The following TMEM45B variants were observed in gnomAD, a reference collection of about 807,000 sequenced individuals.
The protein encoded by TMEM45B is transmembrane protein 45B.
TMEM45B carries 29 observed loss-of-function variants against 27.3 expected under a neutral mutation model. The ratio of observed to expected loss-of-function variants is 1.06; its 90% CI spans 0.79 to 1.45. TMEM45B has a LOEUF of 1.45. Among genes scored for constraint, TMEM45B ranks in the 40% most tolerant of loss-of-function variants. The pLI is 0.00. For synonymous variants in TMEM45B, 143 were observed against 134.7 expected (o/e 1.06, Z -0.43); for missense variants, 348 against 343.9 (o/e 1.01, Z -0.09).
intron 1 of TMEM45B, among the ~76,000 whole-genome samples, chr11:129,847,098 G>C (rs556786859): frequency 6.6e-6 from 1 of 152,308 alleles, no homozygotes; most frequent in East Asian, 1.9e-4. Context: ...GTGGGGAAGA[G>C]GGAGAGGCTG....
chr11:129,822,399 G>A (rs566466148), intron 1 of TMEM45B, among the ~76,000 whole-genome samples: 3 of 152,276 alleles, frequency 2.0e-5, no homozygotes, highest in Admixed American at 6.5e-5. Flanking sequence ...GATGGTGTGC[G>A]TCATCTGTGA....
At chr11:129,837,216 G>A (rs888160336) in intron 1 of TMEM45B, among the ~76,000 whole-genome samples, 1 of 152,048 alleles carries the variant, frequency 6.6e-6, no homozygotes, top group African/African-American at 2.4e-5. Flanking sequence ...AGACCAGCCC[G>A]GGCTGGTCTC....
Position 129,854,636 on chromosome 11 carries a change from G to A in TMEM45B, c.205G>A (p.Asp69Asn), listed in dbSNP as rs1186715954. The A allele has an allele frequency of 1.2e-6, 2 of 1,614,172 alleles. No homozygotes were observed. The highest frequency in any genetic ancestry group is 2.2e-5 in the South Asian group (2 of 91,084). Residue 69 changes from aspartate to asparagine, a missense_variant, in exon 3 of 6, where the codon GAT becomes AAT. By Grantham distance (23) the Asp-to-Asn change is conservative. Coordinates refer to ENST00000281441, the MANE Select transcript of TMEM45B (RefSeq NM_138788.5). ...TGILAEQFVPDGPHLHLYHEN... is the reference protein window; with the variant it reads ...TGILAEQFVPNGPHLHLYHEN... ...GATCCTGGCAGAGCAGTTTGTTCCG[G>A]ATGGGCCCCACCTGCACCTCTACCA...
chr11:129,820,772 C>A (rs1028781109), intron 1 of TMEM45B, among the ~76,000 whole-genome samples: 6 of 152,170 alleles, frequency 3.9e-5, no homozygotes, highest in Non-Finnish European at 7.3e-5. Flanking sequence ...CAACATAAAT[C>A]AATGTATAGT....
chr11:129,825,552 T>C (rs1395333874), intron 1 of TMEM45B, among the ~76,000 whole-genome samples: 1 of 152,180 alleles, frequency 6.6e-6, no homozygotes, highest in South Asian at 2.1e-4. Flanking sequence ...GATGAAGTTG[T>C]GGGAGTCACC....
In TMEM45B at chr11:129,858,695, C is replaced by T. The variant is rs1448208123; in HGVS notation, c.*10C>T. The stretch of plus-strand genomic sequence containing the variant: ...CTCAGATGAGGAATGAGCCGAGATG[C>T]GGAGGGCGCAGATGTCCCACTGCAC... On this transcript the variant is annotated 3_prime_UTR_variant, in exon 6 of 6. Coordinates refer to ENST00000281441, the MANE Select transcript of TMEM45B (RefSeq NM_138788.5). 51 of 1,543,232 alleles carry T rather than the reference C, an allele frequency of 3.3e-5. No individual in the cohort carries two copies. Among genetic ancestry groups the T allele is most frequent in the East Asian group, 2.4e-4 (10 of 41,408 alleles).
Position 129,855,737 on chromosome 11 carries a change from C to G in TMEM45B, c.415C>G (p.Arg139Gly), listed in dbSNP as rs756598307. ...CCTCTTCTACTACCACGTCCACAACCGGCCTCCGCTGGACCAGCACATCCA... is the reference window on the plus strand; with the variant it reads ...CCTCTTCTACTACCACGTCCACAACGGGCCTCCGCTGGACCAGCACATCCA... ...GFLFYYHVHN[R>G]PPLDQHIHSL... Residue 139 changes from arginine (R) to glycine (G), a missense_variant, in exon 4 of 6, where the codon CGG (arginine) becomes GGG (glycine). Arg to Gly is a moderately radical substitution (Grantham distance 125). Coordinates refer to ENST00000281441, the MANE Select transcript of TMEM45B (RefSeq NM_138788.5). The G allele has an allele frequency of 1.2e-6, 2 of 1,614,156 alleles. No individual in the cohort carries two copies. Among genetic ancestry groups the G allele is most frequent in the East Asian group, 4.5e-5 (2 of 44,872 alleles).
intron 1 of TMEM45B, among the ~76,000 whole-genome samples, chr11:129,822,380 A>G (rs560750347): frequency 1.3e-5 from 2 of 152,216 alleles, no homozygotes; most frequent in South Asian, 4.1e-4. Flanking sequence ...AGCTTTATAC[A>G]TGTTTGGGGA....
At chr11:129,848,212 G>T (rs1591448093) in intron 1 of TMEM45B, among the ~76,000 whole-genome samples, 1 of 152,162 alleles carries the variant, frequency 6.6e-6, no homozygotes, top group East Asian at 1.9e-4. Context: ...CTGCACTCCG[G>T]CCTGGGCACC....
At chr11:129,838,072 G>T (rs11601888) in intron 1 of TMEM45B, among the ~76,000 whole-genome samples, 4 of 152,004 alleles carry the variant, frequency 2.6e-5, no homozygotes, top group African/African-American at 9.7e-5. Flanking sequence ...GTGAGCCACC[G>T]CGTGCAGCCC....
At chr11:129,827,925 G>A (rs1285583965) in intron 1 of TMEM45B, among the ~76,000 whole-genome samples, 1 of 152,106 alleles carries the variant, frequency 6.6e-6, no homozygotes, top group Admixed American at 6.5e-5. Context: ...AGTTGAGATC[G>A]TGCCACCGCC....
At chr11:129,825,434 C>A (rs1297283042) in intron 1 of TMEM45B, among the ~76,000 whole-genome samples, 1 of 151,830 alleles carries the variant, frequency 6.6e-6, no homozygotes, top group Admixed American at 6.6e-5. Context: ...CTTGGAAATA[C>A]TGACTTGAGG....
rs143653803 is a variant in TMEM45B, at chr11:129,843,743, T to C, written c.-8-8732T>C. On this transcript the variant is annotated intron_variant, in intron 1 of 5. Coordinates refer to ENST00000281441, the MANE Select transcript of TMEM45B (RefSeq NM_138788.5). ...GTAAATCAAAGTCACAATAAGATAT[T>C]ACCTTATACCTGTTGGGATGGCTGT... Among the ~76,000 whole-genome samples, 286 of 152,300 alleles carry C rather than the reference T, an allele frequency of 1.9e-3. 1 individual carries two copies. The highest frequency in any genetic ancestry group is 6.5e-3 in the African/African-American group (270 of 41,570).
intron 1 of TMEM45B, among the ~76,000 whole-genome samples, chr11:129,820,520 T>G (rs1243432092): frequency 6.6e-6 from 1 of 152,164 alleles, no homozygotes. Context: ...GGGAACTTTT[T>G]TAAATGGTAG....
At chr11:129,837,266 G>A (rs895765326) in intron 1 of TMEM45B, among the ~76,000 whole-genome samples, 1 of 151,626 alleles carries the variant, frequency 6.6e-6, no homozygotes, top group African/African-American at 2.4e-5. Context: ...GAAGACTGGT[G>A]AGAGTGAGGG....
intron 1 of TMEM45B, among the ~76,000 whole-genome samples, chr11:129,841,584 G>GTTTTTTTTT (rs1192996579): frequency 1.9e-5 from 2 of 102,578 alleles, no homozygotes; most frequent in Admixed American, 1.1e-4. Flanking sequence ...GTTTTCTTTT[G>GTTTTTTTTT]TTTTTTTGTT....
At position 129,859,945 on chromosome 11, in the gene TMEM45B, A is replaced by G. The variant is rs2135622440; in HGVS notation, c.*1260A>G. ...AGGAGTTTACAGTCAAACAGGAGAG[A>G]CATGCCTGTAGTTACATCCAGTGTG... On this transcript the variant is annotated 3_prime_UTR_variant, in exon 6 of 6. Transcript: ENST00000281441. 1 of 152,764 alleles carries G rather than the reference A, an allele frequency of 6.5e-6. No homozygotes were observed. Among genetic ancestry groups the G allele is most frequent in the East Asian group, 1.9e-4 (1 of 5,176 alleles). The allele number at this position is 152,764 out of a possible 1,614,324, so 9.5% of individuals were successfully genotyped here.
chr11:129,820,171 C>T lies in TMEM45B; in HGVS notation c.-9+4273C>T, dbSNP rs185664336. 1.3e-3 allele frequency among the ~76,000 whole-genome samples: 196 copies of T among 152,008 alleles called. 1 individual carries two copies. Among genetic ancestry groups the T allele is most frequent in the African/African-American group, 3.9e-3 (162 of 41,454 alleles). ...TCTACTAAAAACACAAAAAATCAGC[C>T]GGGCGTGCTAGCAGGCGCCTATAGT... On this transcript the variant is annotated intron_variant, in intron 1 of 5. Coordinates refer to ENST00000281441, the MANE Select transcript of TMEM45B (RefSeq NM_138788.5).
chr11:129,838,299 T>TTTGGCA (rs1173866087), intron 1 of TMEM45B, among the ~76,000 whole-genome samples: 1 of 152,064 alleles, frequency 6.6e-6, no homozygotes, highest in African/African-American at 2.4e-5. Flanking sequence ...TTGGAGGATG[T>TTTGGCA]TTGGCAGTGT....
Sources: allele counts gnomAD v4.1 joint callset (sites outside exome capture counted in the v4.1 genomes callset), GRCh38; gene constraint gnomAD v4.1.1; transcripts MANE v1.5; gene names NCBI Gene and HGNC (gene_info 2026-07-23, HGNC 2026-07-21).